LYPLA1: variants seen among roughly 807,000 people sequenced by gnomAD.
LYPLA1 encodes lysophospholipase 1.
A neutral mutation model predicts 34.0 loss-of-function variants in LYPLA1; 17 were observed. The ratio of observed to expected loss-of-function variants is 0.50; its 90% CI spans 0.34 to 0.75. The LOEUF (loss-of-function observed/expected upper bound fraction) is 0.75, where lower values mean the gene tolerates loss of function less well. LYPLA1 is among the 30% of genes least tolerant of loss of function. LYPLA1 has a pLI of 0.01. For synonymous variants in LYPLA1, 98 were observed against 100.8 expected, an observed-to-expected ratio of 0.97 and a Z score of 0.17; for missense variants, 203 against 288.8, an observed-to-expected ratio of 0.70 and a Z score of 2.15.
chr8:54,049,337 A>C (rs1805686674), intron 8 of LYPLA1, among the ~76,000 whole-genome samples: 1 of 152,316 alleles, frequency 6.6e-6, no homozygotes, highest in East Asian at 1.9e-4. Context: ...GACTGAAAAG[A>C]TAAGCACATC....
rs143494602 is a variant in LYPLA1, at chr8:54,101,784, C to G, written c.40G>C (p.Val14Leu). The G allele has an allele frequency of 1.5e-4, 199 of 1,295,708 alleles. 1 individual carries two copies. Among genetic ancestry groups the G allele is most frequent in the Non-Finnish European group, 1.9e-4 (192 of 1,013,852 alleles). 80.3% of individuals were successfully genotyped at this position (1,295,708 alleles called of 1,614,324 possible). Residue 14 changes from valine (V) to leucine (L), a missense_variant, in exon 1 of 9, where the codon GTG becomes CTG. Coordinates refer to ENST00000316963, the MANE Select transcript of LYPLA1 (RefSeq NM_006330.4). ...GCGGTGGCCTTCCGGGCGGCGGGCA[C>G]GATGGCGGGCAGCGGGGTTGACATG... ...NNMSTPLPAI[V>L]PAARKATAAV...
chr8:54,092,216 AAGGAGGAGG>A (rs376597210), intron 2 of LYPLA1, among the ~76,000 whole-genome samples: 2 of 147,000 alleles, frequency 1.4e-5, no homozygotes, highest in Non-Finnish European at 3.0e-5. Context: ...GACGGAAGAG[AAGGAGGAGG>A]AGGAGGAGAA....
At chr8:54,059,166 T>C (rs1180212014) in intron 5 of LYPLA1, among the ~76,000 whole-genome samples, 1 of 152,232 alleles carries the variant, frequency 6.6e-6, no homozygotes, top group Non-Finnish European at 1.5e-5. Flanking sequence ...CTCATACTTT[T>C]GTCATCTATT....
intron 1 of LYPLA1, chr8:54,101,484 G>A (rs1810145837): frequency 9.0e-7 from 1 of 1,115,802 alleles, no homozygotes; most frequent in Non-Finnish European, 1.1e-6. Flanking sequence ...GGCTGACGCC[G>A]TGCCCTAGGC....
chr8:54,084,558 G>A (rs192918189), intron 2 of LYPLA1, among the ~76,000 whole-genome samples: 231 of 152,060 alleles, frequency 1.5e-3, no homozygotes, highest in Non-Finnish European at 1.7e-3. Flanking sequence ...GAGAAAGAAC[G>A]AGAGTCCATC....
intron 5 of LYPLA1, among the ~76,000 whole-genome samples, chr8:54,055,564 C>T (rs1210665560): frequency 6.6e-6 from 1 of 151,992 alleles, no homozygotes; most frequent in Non-Finnish European, 1.5e-5. Context: ...CCAAATCACC[C>T]AAAGCAATCT....
intron 2 of LYPLA1, among the ~76,000 whole-genome samples, chr8:54,091,562 G>A (rs1485180771): frequency 7.7e-6 from 1 of 129,064 alleles, no homozygotes; most frequent in Admixed American, 8.4e-5. Flanking sequence ...AAGAAAGGAA[G>A]GAAGGAAAGA....
chr8:54,045,736 A>G (rs772909184), downstream of LYPLA1: 32 of 152,324 alleles, frequency 2.1e-4, no homozygotes, highest in African/African-American at 7.2e-4. Context: ...CTGACTTATG[A>G]CACTAATTTA....
chr8:54,065,999 CG>C (rs1427394491), intron 2 of LYPLA1, among the ~76,000 whole-genome samples, 186 bp from the exon 3 acceptor site: 9 of 152,080 alleles, frequency 5.9e-5, no homozygotes, highest in Admixed American at 5.2e-4. Flanking sequence ...TACAGTGGCG[CG>C]ATCTCGGCTC....
chr8:54,059,446 A>AGGCGCCCGCCAC lies in LYPLA1; in HGVS notation c.286+2796_286+2807dup, dbSNP rs1195180185. ...CAGCCTCCCGAGTAGCTGGGACTAC[A>AGGCGCCCGCCAC]GGCGCCCGCCACCGCGCCCGGCTAA... On this transcript the variant is annotated intron_variant, in intron 5 of 8. Transcript: ENST00000316963. 8.4e-5 allele frequency among the ~76,000 whole-genome samples: 10 copies of AGGCGCCCGCCAC among 118,780 alleles called. 1 individual carries two copies. The highest frequency in any genetic ancestry group is 1.5e-4 in the Non-Finnish European group (10 of 64,580). 77.9% of individuals were successfully genotyped at this position (118,780 alleles called of 152,430 possible). A position where few individuals can be genotyped will look rare whatever the true frequency, so the allele number is the denominator to read the frequency against.
At chr8:54,081,486 G>C (rs371380933) in intron 2 of LYPLA1, among the ~76,000 whole-genome samples, 1 of 151,282 alleles carries the variant, frequency 6.6e-6, no homozygotes, top group Non-Finnish European at 1.5e-5. Context: ...AGTCTTGCTC[G>C]GTCACCCAGG....
intron 2 of LYPLA1, among the ~76,000 whole-genome samples, chr8:54,085,239 C>T (rs1454524939): frequency 6.6e-6 from 1 of 152,368 alleles, no homozygotes; most frequent in Non-Finnish European, 1.5e-5. Flanking sequence ...CTGCCAGCCT[C>T]GGCATCCCGA....
In LYPLA1 at chr8:54,095,913, GT is replaced by G. The variant is rs750787313; in HGVS notation, c.101+4994del. On this transcript the variant is annotated intron_variant, in intron 2 of 8. Transcript: ENST00000316963. ...GTCAAGGTCATGAAAGACAAGGACT[GT>G]TTCAGAATAAAGAAAACTAAAGAGA... 7.2e-5 allele frequency among the ~76,000 whole-genome samples: 11 copies of G among 152,290 alleles called. No homozygotes were observed. In the East Asian group the frequency reaches 1.7e-3, roughly 24 times the overall value.
intron 2 of LYPLA1, among the ~76,000 whole-genome samples, chr8:54,080,283 T>C (rs1563632129): frequency 6.6e-6 from 1 of 151,702 alleles, no homozygotes; most frequent in East Asian, 1.9e-4. Flanking sequence ...GAGACTGAGG[T>C]GGGAGTTGTA....
In LYPLA1 at chr8:54,073,516, A is replaced by G. The variant is rs1187511601; in HGVS notation, c.102-7703T>C. 6 of 708,070 alleles carry G rather than the reference A, an allele frequency of 8.5e-6. No individual in the cohort carries two copies. In the Admixed American group the frequency reaches 1.2e-4, roughly 14 times the overall value. 43.9% of individuals were successfully genotyped at this position (708,070 alleles called of 1,614,324 possible). On this transcript the variant is annotated intron_variant, in intron 2 of 8. Coordinates refer to ENST00000316963, the MANE Select transcript of LYPLA1 (RefSeq NM_006330.4). ...GGACTCCAGAACTACCAGCATCTAC[A>G]CTGCCACTTCTATGCCAGCTGGCAT...
chr8:54,078,962 G>A (rs895223062), intron 2 of LYPLA1, among the ~76,000 whole-genome samples: 6 of 150,776 alleles, frequency 4.0e-5, no homozygotes, highest in African/African-American at 1.2e-4. Flanking sequence ...TTCAATGTAC[G>A]TATTTTCAGT....
At chr8:54,049,825 A>G (rs543325858) in intron 8 of LYPLA1, among the ~76,000 whole-genome samples, 8 of 152,222 alleles carry the variant, frequency 5.3e-5, no homozygotes, top group Middle Eastern at 6.8e-3. Context: ...TCATTTCCCT[A>G]TCCACTTCAT....
In LYPLA1 at chr8:54,084,126, A is replaced by C. The variant is rs917626461; in HGVS notation, c.101+16782T>G. The stretch of plus-strand genomic sequence containing the variant: ...GCACTCCAGCCTGGGAGACCAAAGA[A>C]AAAAAAAATAAATAAATATATATAT... On this transcript the variant is annotated intron_variant, in intron 2 of 8. Transcript: ENST00000316963. 6.0e-4 allele frequency among the ~76,000 whole-genome samples: 77 copies of C among 127,970 alleles called. 2 individuals carry two copies. Among genetic ancestry groups the C allele is most frequent in the African/African-American group, 2.5e-3 (74 of 29,414 alleles). 84.0% of individuals were successfully genotyped at this position (127,970 alleles called of 152,430 possible).
At position 54,101,885 on chromosome 8, in the gene LYPLA1, G is replaced by T; in HGVS notation, c.-62C>A. The T allele has an allele frequency of 1.9e-6, 2 of 1,061,798 alleles. No homozygotes were observed. Among genetic ancestry groups the T allele is most frequent in the Non-Finnish European group, 1.2e-6 (1 of 840,076 alleles). 65.8% of individuals were successfully genotyped at this position (1,061,798 alleles called of 1,614,324 possible). A position where few individuals can be genotyped will look rare whatever the true frequency, so the allele number is the denominator to read the frequency against. On this transcript the variant is annotated 5_prime_UTR_variant, in exon 1 of 9. Coordinates refer to ENST00000316963, the MANE Select transcript of LYPLA1 (RefSeq NM_006330.4). Reference sequence around the variant, plus strand: ...GCGGGCGCCCGGCCGCGGCCCAAGGGCGTGCGAGCGGCGAGTCCCGGCCGG... The same window carrying T: ...GCGGGCGCCCGGCCGCGGCCCAAGGTCGTGCGAGCGGCGAGTCCCGGCCGG...
Sources: allele counts gnomAD v4.1 joint callset (sites outside exome capture counted in the v4.1 genomes callset), GRCh38; gene constraint gnomAD v4.1.1; transcripts MANE v1.5; gene names NCBI Gene and HGNC (gene_info 2026-07-23, HGNC 2026-07-21).